The following DIAPH2 variants were observed in gnomAD, a reference collection of about 807,000 sequenced individuals.
DIAPH2 encodes protein diaphanous homolog 2.
DIAPH2 carries 35 observed loss-of-function variants against 92.7 expected under a neutral mutation model. That is an observed-to-expected ratio of 0.38 (90% confidence interval 0.29 to 0.50). The LOEUF (loss-of-function observed/expected upper bound fraction) is 0.50. Ranked by LOEUF, DIAPH2 falls within the 20% of genes least tolerant of loss-of-function variation. The pLI, the probability that DIAPH2 is intolerant of heterozygous loss-of-function variation, is 0.94. For missense variants in DIAPH2, 701 were observed against 819.5 expected, an observed-to-expected ratio of 0.86 and a Z score of 1.77; for synonymous variants, 301 against 280.4, an observed-to-expected ratio of 1.07 and a Z score of -0.73.
chrX:97,328,534 C>G (rs1206475110), intron 23 of DIAPH2, among the ~76,000 whole-genome samples: 2 of 111,709 alleles, frequency 1.8e-5, no homozygotes, highest in Non-Finnish European at 3.8e-5. Context: ...TATCATTGCT[C>G]TTGTTTACAT....
At chrX:97,186,147 T>G (rs1412373276) in intron 22 of DIAPH2, among the ~76,000 whole-genome samples, 1 of 111,901 alleles carries the variant, frequency 8.9e-6, no homozygotes, top group East Asian at 2.8e-4. Context: ...AGTTCAGCAC[T>G]GCTACCCATT....
chrX:97,526,317 G>T (rs1171837147), intron 26 of DIAPH2, among the ~76,000 whole-genome samples: 1 of 111,372 alleles, frequency 9.0e-6, no homozygotes, highest in Non-Finnish European at 1.9e-5. Flanking sequence ...ACATGAGGTT[G>T]CTTCGAATGG....
intron 4 of DIAPH2, among the ~76,000 whole-genome samples, chrX:96,809,572 G>A (rs1417725157): frequency 1.9e-5 from 2 of 108,007 alleles, no homozygotes; most frequent in Admixed American, 2.0e-4. Flanking sequence ...CAACGTGCAG[G>A]TTTGTTACAC....
chrX:97,222,172 AGATGATGATGATGAT>A (rs56742311), intron 22 of DIAPH2, among the ~76,000 whole-genome samples: 6 of 104,051 alleles, frequency 5.8e-5, no homozygotes, highest in South Asian at 4.2e-4. Context: ...GGGAGGGTCT[AGATGATGATGATGAT>A]GATGATGATG....
chrX:97,301,857 A>G (rs2068708597), intron 23 of DIAPH2, among the ~76,000 whole-genome samples: 1 of 111,193 alleles, frequency 9.0e-6, no homozygotes, highest in Admixed American at 9.6e-5. Context: ...ATAGAACTCA[A>G]CAAAGGACGA....
intron 23 of DIAPH2, among the ~76,000 whole-genome samples, chrX:97,268,859 T>TC (rs1408695237): frequency 4.1e-5 from 4 of 97,985 alleles, no homozygotes; most frequent in African/African-American, 1.5e-4. Flanking sequence ...TTTCTTTCTT[T>TC]TTTTTTTTTT....
chrX:96,799,748 C>T (rs2064567796), intron 4 of DIAPH2, among the ~76,000 whole-genome samples: 1 of 110,515 alleles, frequency 9.0e-6, no homozygotes, highest in African/African-American at 3.3e-5. Flanking sequence ...GCAGAGGTTG[C>T]AGTGAGCTGA....
chrX:97,531,223 CT>C (rs1420971051), intron 26 of DIAPH2, among the ~76,000 whole-genome samples: 1 of 111,458 alleles, frequency 9.0e-6, no homozygotes, highest in Admixed American at 9.6e-5. Flanking sequence ...TTTCCCATTC[CT>C]TCCTCTCCCT....
chrX:97,220,244 G>GT (rs1190670961), intron 22 of DIAPH2, among the ~76,000 whole-genome samples: 8 of 104,652 alleles, frequency 7.6e-5, no homozygotes, highest in African/African-American at 2.1e-4. Flanking sequence ...TTTTTTGTTT[G>GT]TTTTTTTTAA....
chrX:97,133,469 C>T (rs1241943258), intron 21 of DIAPH2, among the ~76,000 whole-genome samples: 6 of 110,642 alleles, frequency 5.4e-5, no homozygotes, highest in Non-Finnish European at 9.5e-5. Context: ...GTATTTTTAG[C>T]GGAGATGGGG....
intron 17 of DIAPH2, among the ~76,000 whole-genome samples, chrX:96,968,077 G>A (rs1456984208): frequency 9.2e-6 from 1 of 108,811 alleles, no homozygotes; most frequent in Non-Finnish European, 1.9e-5. Flanking sequence ...TTTTTTTTTG[G>A]CTTTTTAGTA....
rs759938983 is a variant in DIAPH2 at position 96,829,370 on chromosome X, A to G, written c.448-52209A>G. Among the ~76,000 whole-genome samples the G allele has an allele frequency of 3.6e-5, 4 of 110,360 alleles. No individual in the cohort carries two copies. In the South Asian group the frequency reaches 1.5e-3, roughly 43 times the overall value. The stretch of plus-strand genomic sequence containing the variant: ...GAAATAAAAAGATTTAGAAAGATAT[A>G]TGTAATTTTTTCACATTATGTGACT... On this transcript the variant is annotated intron_variant, in intron 4 of 26. Coordinates refer to ENST00000324765, the MANE Select transcript of DIAPH2 (RefSeq NM_006729.5).
chrX:97,479,718 C>A (rs190559019), intron 26 of DIAPH2, among the ~76,000 whole-genome samples: 1 of 111,173 alleles, frequency 9.0e-6, no homozygotes, highest in African/African-American at 3.3e-5. Flanking sequence ...AACCTCAAGG[C>A]TGTAAACTAT....
At chrX:97,234,332 A>AT (rs1224854590) in intron 22 of DIAPH2, among the ~76,000 whole-genome samples, 1 of 87,052 alleles carries the variant, frequency 1.1e-5, no homozygotes, top group African/African-American at 5.3e-5. Context: ...ACTCCATCTC[A>AT]AAAAAAAAAA....
chrX:96,831,451 G>C (rs191272706), intron 4 of DIAPH2, among the ~76,000 whole-genome samples: 1 of 111,814 alleles, frequency 8.9e-6, no homozygotes, highest in Non-Finnish European at 1.9e-5. Context: ...GTTGGCACTT[G>C]GGGACAATTC....
At chrX:97,431,064 C>A (rs934195676) in intron 26 of DIAPH2, among the ~76,000 whole-genome samples, 1 of 112,042 alleles carries the variant, frequency 8.9e-6, no homozygotes, top group African/African-American at 3.2e-5. Context: ...TTTATAAGTT[C>A]ATATTCATTT....
At chrX:97,531,961 T>C (rs1285502172) in intron 26 of DIAPH2, among the ~76,000 whole-genome samples, 2 of 112,560 alleles carry the variant, frequency 1.8e-5, no homozygotes, top group Non-Finnish European at 3.8e-5. Flanking sequence ...TAAAATTACA[T>C]GTCAAATATA....
intron 12 of DIAPH2, among the ~76,000 whole-genome samples, chrX:96,939,726 G>A: frequency 1.7e-5 from 1 of 58,148 alleles, no homozygotes; most frequent in Non-Finnish European, 3.1e-5. Context: ...GTGCAGTGGC[G>A]CGATCTCGAC....
intron 26 of DIAPH2, among the ~76,000 whole-genome samples, chrX:97,588,045 C>T (rs768591917): frequency 9.0e-6 from 1 of 111,524 alleles, no homozygotes; most frequent in East Asian, 2.8e-4. Flanking sequence ...TTGCTTGAGG[C>T]TTGTTTATTG....
Sources: allele counts gnomAD v4.1 joint callset (sites outside exome capture counted in the v4.1 genomes callset), GRCh38; gene constraint gnomAD v4.1.1; transcripts MANE v1.5; gene names NCBI Gene and HGNC (gene_info 2026-07-23, HGNC 2026-07-21).